The following NTN4 variants were observed in gnomAD, a reference collection of about 807,000 sequenced individuals.
NTN4 encodes netrin-4.
NTN4 carries 32 observed loss-of-function variants against 73.6 expected under a neutral mutation model. The ratio of observed to expected loss-of-function variants is 0.44; its 90% CI spans 0.33 to 0.58. The LOEUF (loss-of-function observed/expected upper bound fraction) is 0.58, where lower values mean the gene tolerates loss of function less well. Among genes scored for constraint, NTN4 ranks in the 20% least tolerant of loss-of-function variants. The pLI, the probability that NTN4 is intolerant of heterozygous loss-of-function variation, is 0.04. For missense variants in NTN4, 654 were observed against 798.3 expected (o/e 0.82, Z 2.18); for synonymous variants, 258 against 287.5 (o/e 0.90, Z 1.04).
intron 2 of NTN4, among the ~76,000 whole-genome samples, chr12:95,774,185 T>A (rs59164361): frequency 1.2e-4 from 16 of 135,146 alleles, no homozygotes; most frequent in East Asian, 1.0e-3. Context: ...CTTTTTTTTT[T>A]TAAAAAAAAA....
At chr12:95,750,121 CT>C (rs1250008517) in intron 2 of NTN4, among the ~76,000 whole-genome samples, 5 of 151,922 alleles carry the variant, frequency 3.3e-5, no homozygotes, top group Admixed American at 2.0e-4. Flanking sequence ...TTCCACGCCC[CT>C]ACCTCTTATC....
At chr12:95,700,814 C>CTTTTTTTT (rs71911993) in intron 5 of NTN4, among the ~76,000 whole-genome samples, 3 of 107,548 alleles carry the variant, frequency 2.8e-5, no homozygotes, top group Non-Finnish European at 3.8e-5. Context: ...TTCTTTCTTT[C>CTTTTTTTT]TTTTTTTTTT....
chr12:95,692,114 C>G (rs1313608658), intron 5 of NTN4, among the ~76,000 whole-genome samples: 1 of 152,124 alleles, frequency 6.6e-6, no homozygotes, highest in African/African-American at 2.4e-5. Flanking sequence ...CTGCTCACTG[C>G]AACCTCTGCC....
intron 8 of NTN4, among the ~76,000 whole-genome samples, chr12:95,668,785 T>C (rs2078202983): frequency 6.6e-6 from 1 of 151,118 alleles, no homozygotes; most frequent in Non-Finnish European, 1.5e-5. Flanking sequence ...AGGTCAGAAG[T>C]CCAAAACCAG....
At position 95,760,741 on chromosome 12, in the gene NTN4, GCA is replaced by G. The variant is rs1238853607; in HGVS notation, c.586-22599_586-22598del. On this transcript the variant is annotated intron_variant, in intron 2 of 9. Coordinates refer to ENST00000343702, the MANE Select transcript of NTN4 (RefSeq NM_021229.4). ...TTTGTAGTGGGGAAAGAAGAGGGGG[GCA>G]GTCATTCCTGTAGCAGTTAATCCCT... Among the ~76,000 whole-genome samples the G allele has an allele frequency of 9.3e-5, 14 of 150,964 alleles. No individual in the cohort carries two copies. The East Asian group carries it at 2.7e-3, about 29-fold the overall frequency.
At position 95,770,988 on chromosome 12, in the gene NTN4, A is replaced by ATTTTTTTTTTTTTT. The variant is rs1460848065; in HGVS notation, c.585+15950_585+15951insAAAAAAAAAAAAAA. ...GCAAGATGAACCATCCAGGAAAAGAATTTGTTTTTTTTTTTTTTTGAGACA... is the reference window on the plus strand; with the variant it reads ...GCAAGATGAACCATCCAGGAAAAGAATTTTTTTTTTTTTTTTTGTTTTTTTTTTTTTTTGAGACA... On this transcript the variant is annotated intron_variant, in intron 2 of 9. Transcript: ENST00000343702. 1.5e-3 allele frequency among the ~76,000 whole-genome samples: 87 copies of ATTTTTTTTTTTTTT among 58,058 alleles called. 12 individuals are homozygous for ATTTTTTTTTTTTTT. The highest frequency in any genetic ancestry group is 3.5e-3 in the African/African-American group (81 of 22,852). 38.1% of individuals were successfully genotyped at this position (58,058 alleles called of 152,430 possible).
intron 2 of NTN4, among the ~76,000 whole-genome samples, chr12:95,760,371 G>A (rs1212000447): frequency 1.3e-5 from 2 of 152,152 alleles, no homozygotes; most frequent in Non-Finnish European, 2.9e-5. Context: ...TCACACATAT[G>A]CAGCTCAGTA....
At chr12:95,699,757 C>T (rs931749396) in intron 5 of NTN4, among the ~76,000 whole-genome samples, 1 of 152,088 alleles carries the variant, frequency 6.6e-6, no homozygotes, top group African/African-American at 2.4e-5. Context: ...GGCAGAGAGA[C>T]CAAGTTTATT....
intron 2 of NTN4, among the ~76,000 whole-genome samples, chr12:95,754,493 C>A (rs974974132): frequency 6.6e-6 from 1 of 152,138 alleles, no homozygotes; most frequent in African/African-American, 2.4e-5. Flanking sequence ...GCCATCGCAT[C>A]CCCTGTGACT....
intron 2 of NTN4, among the ~76,000 whole-genome samples, chr12:95,754,574 C>G (rs2121227553): frequency 6.6e-6 from 1 of 152,274 alleles, no homozygotes; most frequent in African/African-American, 2.4e-5. Flanking sequence ...CCTGCCCCGC[C>G]TTAACTGATG....
intron 2 of NTN4, among the ~76,000 whole-genome samples, chr12:95,767,112 C>T (rs564481883): frequency 1.1e-4 from 16 of 152,290 alleles, no homozygotes; most frequent in South Asian, 2.1e-4. Context: ...AACTGCTCCC[C>T]GTGGAGCACC....
chr12:95,686,590 C>T (rs1044506168), intron 5 of NTN4, among the ~76,000 whole-genome samples: 8 of 152,006 alleles, frequency 5.3e-5, no homozygotes, highest in Non-Finnish European at 1.2e-4. Context: ...GAAACCTCAT[C>T]TCTACTAAAA....
chr12:95,772,041 T>G (rs1164204787), intron 2 of NTN4, among the ~76,000 whole-genome samples: 1 of 152,056 alleles, frequency 6.6e-6, no homozygotes, highest in Non-Finnish European at 1.5e-5. Context: ...GAGATTGGTT[T>G]TCTTTCTTGT....
chr12:95,670,238 C>A, intron 7 of NTN4, 92 bp from the exon 8 acceptor site: 3 of 681,116 alleles, frequency 4.4e-6, no homozygotes, highest in South Asian at 2.2e-5. Flanking sequence ...ATAACACATC[C>A]CTTAAGCCTT....
chr12:95,688,388 A>C (rs946379745), intron 5 of NTN4, among the ~76,000 whole-genome samples: 13 of 152,318 alleles, frequency 8.5e-5, no homozygotes, highest in Non-Finnish European at 1.6e-4. Context: ...GAAACTGAAT[A>C]ATTAGTGACA....
intron 3 of NTN4, among the ~76,000 whole-genome samples, chr12:95,722,519 G>A (rs573427423): frequency 2.0e-5 from 3 of 152,064 alleles, no homozygotes; most frequent in Admixed American, 6.5e-5. Context: ...CCAGCTACTC[G>A]GGAGGCTGAG....
chr12:95,759,496 T>G (rs549369567), intron 2 of NTN4, among the ~76,000 whole-genome samples: 2 of 151,194 alleles, frequency 1.3e-5, no homozygotes, highest in South Asian at 2.1e-4. Flanking sequence ...TTTTTGTTTT[T>G]TTTTTTTTTT....
At chr12:95,737,737 T>C in intron 3 of NTN4, 129 bp downstream of exon 3, 2 of 776,886 alleles carry the variant, frequency 2.6e-6, no homozygotes, top group Non-Finnish European at 4.1e-6. Context: ...ATAGGATGAG[T>C]ATGGAGTCGG....
intron 3 of NTN4, among the ~76,000 whole-genome samples, chr12:95,733,119 T>C (rs2078750634): frequency 6.6e-6 from 1 of 152,242 alleles, no homozygotes; most frequent in South Asian, 2.1e-4. Context: ...TTCTAAGGCC[T>C]CCATGTTATC....
Sources: allele counts gnomAD v4.1 joint callset (sites outside exome capture counted in the v4.1 genomes callset), GRCh38; gene constraint gnomAD v4.1.1; transcripts MANE v1.5; gene names NCBI Gene and HGNC (gene_info 2026-07-23, HGNC 2026-07-21).